Variants in HTR1F observed in about 807,000 individuals in gnomAD.
The protein encoded by HTR1F is 5-hydroxytryptamine (serotonin) receptor 1F, G protein-coupled.
In HTR1F, 17 loss-of-function variants were observed where a neutral mutation model predicts 24.0. The observed-to-expected ratio is 0.71, with a 90% CI of 0.48 to 1.06. HTR1F has a LOEUF of 1.06. Among genes scored for constraint, HTR1F ranks in the 50% least tolerant of loss-of-function variants. HTR1F has a pLI of 0.00. For missense variants in HTR1F, 391 were observed against 427.8 expected (o/e 0.91, Z 0.76); for synonymous variants, 186 against 156.8 (o/e 1.19, Z -1.39).
chr3:87,943,708 C>T (rs763776701), intron 2 of HTR1F, among the ~76,000 whole-genome samples: 32 of 152,160 alleles, frequency 2.1e-4, no homozygotes, highest in Non-Finnish European at 3.2e-4. Context: ...CACTTCAATC[C>T]ATTTGCCTTC....
At chr3:87,952,201 A>G (rs1291534309) in intron 2 of HTR1F, among the ~76,000 whole-genome samples, 1 of 152,096 alleles carries the variant, frequency 6.6e-6, no homozygotes. Context: ...CCTGAATGAA[A>G]CATGTTTATA....
intron 2 of HTR1F, among the ~76,000 whole-genome samples, chr3:87,840,320 T>C (rs777101789): frequency 1.3e-5 from 2 of 152,148 alleles, no homozygotes; most frequent in Non-Finnish European, 2.9e-5. Flanking sequence ...CCAACAGATA[T>C]ATGGAAAAAT....
At chr3:87,882,333 T>C (rs1705823081) in intron 2 of HTR1F, among the ~76,000 whole-genome samples, 3 of 152,150 alleles carry the variant, frequency 2.0e-5, no homozygotes, top group Admixed American at 1.3e-4. Flanking sequence ...GAAATACCAT[T>C]TGACCCAGCC....
intron 2 of HTR1F, among the ~76,000 whole-genome samples, chr3:87,909,109 T>A (rs1456778811): frequency 6.6e-6 from 1 of 151,976 alleles, no homozygotes; most frequent in Non-Finnish European, 1.5e-5. Context: ...AAATGAGATG[T>A]GAGGGAATAT....
chr3:87,950,143 C>T (rs151090339), intron 2 of HTR1F, among the ~76,000 whole-genome samples: 272 of 152,294 alleles, frequency 1.8e-3, no homozygotes, highest in African/African-American at 6.2e-3. Flanking sequence ...CTTGCAAAAG[C>T]AAGAACTCTT....
chr3:87,796,440 G>A (rs948203025), intron 1 of HTR1F, among the ~76,000 whole-genome samples: 1 of 152,098 alleles, frequency 6.6e-6, no homozygotes, highest in African/African-American at 2.4e-5. Flanking sequence ...ATAAGAATGT[G>A]TGAGTCATCA....
intron 2 of HTR1F, among the ~76,000 whole-genome samples, chr3:87,860,177 T>C (rs1257890134): frequency 6.6e-6 from 1 of 152,174 alleles, no homozygotes; most frequent in Admixed American, 6.6e-5. Context: ...ACATTCTAGG[T>C]GGCATATGCA....
intron 2 of HTR1F, among the ~76,000 whole-genome samples, chr3:87,870,425 CCATA>C (rs1705529000): frequency 6.6e-6 from 1 of 152,090 alleles, no homozygotes; most frequent in Non-Finnish European, 1.5e-5. Context: ...TTAGAAGTTG[CCATA>C]CCCCAGGCAT....
chr3:87,912,301 G>A (rs1203482535), intron 2 of HTR1F, among the ~76,000 whole-genome samples: 1 of 151,772 alleles, frequency 6.6e-6, no homozygotes, highest in African/African-American at 2.4e-5. Context: ...GTCAAATCAG[G>A]AAGGCAGTCT....
At chr3:87,829,488 T>G (rs1704530453) in intron 2 of HTR1F, among the ~76,000 whole-genome samples, 1 of 152,202 alleles carries the variant, frequency 6.6e-6, no homozygotes, top group African/African-American at 2.4e-5. Context: ...GTCTCCCCAT[T>G]CATGAGAAGG....
At chr3:87,933,430 G>A (rs1319809968) in intron 2 of HTR1F, among the ~76,000 whole-genome samples, 1 of 152,134 alleles carries the variant, frequency 6.6e-6, no homozygotes. Context: ...CTTTGCAGAC[G>A]ACATGATTGT....
At chr3:87,941,997 G>T (rs1704580335) in intron 2 of HTR1F, among the ~76,000 whole-genome samples, 2 of 152,102 alleles carry the variant, frequency 1.3e-5, no homozygotes, top group Admixed American at 1.3e-4. Context: ...AGGGGGTACT[G>T]CCTTTGGTAG....
chr3:87,835,545 T>C (rs1282514149), intron 2 of HTR1F, among the ~76,000 whole-genome samples: 1 of 152,182 alleles, frequency 6.6e-6, no homozygotes, highest in Non-Finnish European at 1.5e-5. Flanking sequence ...ATGATATCTG[T>C]CTCAAAAACT....
intron 1 of HTR1F, among the ~76,000 whole-genome samples, chr3:87,802,399 A>G (rs1287494778): frequency 6.8e-6 from 1 of 147,262 alleles, no homozygotes; most frequent in Non-Finnish European, 1.5e-5. Context: ...AGAGTGCAAT[A>G]GTAGGATGAT....
intron 2 of HTR1F, among the ~76,000 whole-genome samples, chr3:87,969,665 G>T (rs1040763647): frequency 3.3e-5 from 5 of 152,158 alleles, no homozygotes; most frequent in Non-Finnish European, 7.3e-5. Flanking sequence ...TTGGACTGTG[G>T]ACTTTTGAGT....
intron 1 of HTR1F, among the ~76,000 whole-genome samples, chr3:87,796,140 T>C (rs1416494027): frequency 6.6e-6 from 1 of 152,162 alleles, no homozygotes; most frequent in Non-Finnish European, 1.5e-5. Context: ...GCCAGCCTAG[T>C]CTTTAACCAG....
chr3:87,860,329 T>C (rs894523615), intron 2 of HTR1F, among the ~76,000 whole-genome samples: 16 of 152,208 alleles, frequency 1.1e-4, no homozygotes, highest in African/African-American at 3.9e-4. Flanking sequence ...CATTGTACCA[T>C]GACACACTGA....
At chr3:87,941,480 C>G (rs990942172) in intron 2 of HTR1F, among the ~76,000 whole-genome samples, 1 of 152,090 alleles carries the variant, frequency 6.6e-6, no homozygotes, top group Admixed American at 6.5e-5. Flanking sequence ...AATTTAAGAG[C>G]GCTTGGGTGG....
At chr3:87,862,621 C>A (rs1191465636) in intron 2 of HTR1F, among the ~76,000 whole-genome samples, 1 of 152,152 alleles carries the variant, frequency 6.6e-6, no homozygotes, top group East Asian at 1.9e-4. Context: ...AGACACGTGT[C>A]TTTTCCATGG....
Sources: gnomAD v4.1 joint callset for allele counts (sites outside exome capture counted in the v4.1 genomes callset) on GRCh38, gnomAD v4.1.1 for gene constraint, MANE v1.5 for transcripts, NCBI Gene and HGNC (gene_info 2026-07-23, HGNC 2026-07-21) for gene names.